The following UNC5D variants were observed in gnomAD, a reference collection of about 807,000 sequenced individuals.
UNC5D encodes netrin receptor UNC5D.
In UNC5D, 39 loss-of-function variants were observed where a neutral mutation model predicts 105.4. That is an observed-to-expected ratio of 0.37 (90% CI 0.29 to 0.48). The LOEUF (loss-of-function observed/expected upper bound fraction) is 0.48, where lower values mean the gene tolerates loss of function less well. UNC5D is among the 20% of genes least tolerant of loss of function. The pLI is 0.98. For missense variants in UNC5D, 991 were observed against 1,202.4 expected (o/e 0.82, Z 2.60); for synonymous variants, 452 against 450.4 (o/e 1.00, Z -0.04).
At chr8:35,528,308 G>C (rs976282220) in intron 1 of UNC5D, among the ~76,000 whole-genome samples, 3 of 149,112 alleles carry the variant, frequency 2.0e-5, no homozygotes, top group Admixed American at 6.8e-5. Flanking sequence ...TTGGTTTTTT[G>C]TTCTTGCGAT....
chr8:35,382,682 T>C (rs1394830287), intron 1 of UNC5D, among the ~76,000 whole-genome samples: 2 of 152,204 alleles, frequency 1.3e-5, no homozygotes, highest in African/African-American at 4.8e-5. Flanking sequence ...TTTGTAGATT[T>C]ATAGTGACTC....
intron 1 of UNC5D, chr8:35,525,797 C>T (rs1302594426): frequency 4.7e-6 from 7 of 1,477,462 alleles, no homozygotes; most frequent in South Asian, 1.4e-5. Context: ...TTTTAACTAA[C>T]TTTTTTGTTT....
intron 1 of UNC5D, among the ~76,000 whole-genome samples, chr8:35,446,075 T>A (rs921768965): frequency 6.6e-6 from 1 of 151,954 alleles, no homozygotes; most frequent in African/African-American, 2.4e-5. Flanking sequence ...AGTTCTTCAG[T>A]GGTGATTTGT....
At chr8:35,472,442 G>A (rs1200146659) in intron 1 of UNC5D, among the ~76,000 whole-genome samples, 3 of 152,072 alleles carry the variant, frequency 2.0e-5, no homozygotes, top group African/African-American at 7.2e-5. Flanking sequence ...AGCCTATTCA[G>A]AAAAACACTG....
intron 7 of UNC5D, among the ~76,000 whole-genome samples, chr8:35,697,450 C>A (rs138685861): frequency 2.7e-3 from 405 of 151,654 alleles, no homozygotes; most frequent in African/African-American, 8.0e-3. Context: ...ACTTGGGCAT[C>A]TTTTAGATGT....
intron 1 of UNC5D, among the ~76,000 whole-genome samples, chr8:35,440,976 G>A (rs984463468): frequency 6.6e-6 from 1 of 151,940 alleles, no homozygotes; most frequent in Admixed American, 6.6e-5. Flanking sequence ...GATTTAGTAA[G>A]AGTCTGCATT....
At chr8:35,380,548 A>G (rs1563361582) in intron 1 of UNC5D, among the ~76,000 whole-genome samples, 1 of 152,218 alleles carries the variant, frequency 6.6e-6, no homozygotes, top group Non-Finnish European at 1.5e-5. Flanking sequence ...TCTTTTTCCA[A>G]GAGATTCCAT....
intron 1 of UNC5D, among the ~76,000 whole-genome samples, chr8:35,526,855 C>T (rs1003499971): frequency 6.6e-6 from 1 of 151,982 alleles, no homozygotes; most frequent in Non-Finnish European, 1.5e-5. Flanking sequence ...TATATCTGAT[C>T]TTTGGGTACC....
chr8:35,597,645 T>C (rs1246801103), intron 4 of UNC5D, among the ~76,000 whole-genome samples: 1 of 152,184 alleles, frequency 6.6e-6, no homozygotes, highest in Non-Finnish European at 1.5e-5. Flanking sequence ...GGGGTGCTAA[T>C]GTTTTGATTA....
intron 4 of UNC5D, among the ~76,000 whole-genome samples, chr8:35,655,891 G>A (rs1823699823): frequency 1.3e-5 from 2 of 152,168 alleles, no homozygotes; most frequent in Non-Finnish European, 2.9e-5. Flanking sequence ...TGTAATTTAA[G>A]CAGTGCAAAG....
intron 1 of UNC5D, chr8:35,525,101 C>G: frequency 3.3e-6 from 5 of 1,516,452 alleles, no homozygotes; most frequent in Non-Finnish European, 4.5e-6. Flanking sequence ...CTTCCCTCCC[C>G]CGGCCTGCCT....
intron 1 of UNC5D, among the ~76,000 whole-genome samples, chr8:35,482,621 C>T (rs1210536390): frequency 2.0e-5 from 3 of 151,960 alleles, no homozygotes; most frequent in Non-Finnish European, 4.4e-5. Flanking sequence ...ATTTGACCAA[C>T]ATTTAAGTAT....
chr8:35,321,142 C>A (rs1809711286), intron 1 of UNC5D, among the ~76,000 whole-genome samples: 1 of 152,084 alleles, frequency 6.6e-6, no homozygotes, highest in African/African-American at 2.4e-5. Flanking sequence ...AACCCTTGGA[C>A]CACAATTTGC....
At chr8:35,421,913 A>G (rs757738911) in intron 1 of UNC5D, among the ~76,000 whole-genome samples, 1 of 152,240 alleles carries the variant, frequency 6.6e-6, no homozygotes. Context: ...CTGAATATAT[A>G]TTCACTGATG....
At chr8:35,657,103 T>C (rs1823820340) in intron 4 of UNC5D, among the ~76,000 whole-genome samples, 2 of 117,056 alleles carry the variant, frequency 1.7e-5, no homozygotes, top group South Asian at 5.3e-4. Context: ...TATATATATA[T>C]ATATATATAT....
At chr8:35,394,998 G>T (rs1041380107) in intron 1 of UNC5D, among the ~76,000 whole-genome samples, 1 of 152,192 alleles carries the variant, frequency 6.6e-6, no homozygotes, top group East Asian at 1.9e-4. Context: ...GCAATGGGAA[G>T]ACCTCAGGTT....
intron 4 of UNC5D, among the ~76,000 whole-genome samples, chr8:35,651,668 A>G (rs894112845): frequency 2.0e-4 from 31 of 152,214 alleles, no homozygotes; most frequent in African/African-American, 7.2e-4. Context: ...TGATTCCTTC[A>G]CTTCTTCTGT....
intron 1 of UNC5D, among the ~76,000 whole-genome samples, chr8:35,274,905 C>T (rs1010611673): frequency 6.6e-6 from 1 of 151,970 alleles, no homozygotes; most frequent in East Asian, 1.9e-4. Flanking sequence ...GCCTGGCCAA[C>T]ATGGTGAAAC....
intron 1 of UNC5D, among the ~76,000 whole-genome samples, chr8:35,244,452 G>T (rs1006011648): frequency 1.3e-5 from 2 of 152,156 alleles, no homozygotes; most frequent in Non-Finnish European, 2.9e-5. Flanking sequence ...TGCCTATTGT[G>T]CCTTCTTGGT....
Sources: gnomAD v4.1 joint callset for allele counts (sites outside exome capture counted in the v4.1 genomes callset) on GRCh38, gnomAD v4.1.1 for gene constraint, MANE v1.5 for transcripts, NCBI Gene and HGNC (gene_info 2026-07-23, HGNC 2026-07-21) for gene names.